The following SLC28A2 variants were observed in gnomAD, a reference collection of about 807,000 sequenced individuals.
The protein encoded by SLC28A2 is solute carrier family 28 member 2, also known as sodium/nucleoside cotransporter 2.
Under a neutral mutation model 72.9 loss-of-function variants are expected in SLC28A2, and 69 were observed. That is an observed-to-expected ratio of 0.95 (90% CI 0.78 to 1.16). The LOEUF (loss-of-function observed/expected upper bound fraction) is 1.16, where lower values mean the gene tolerates loss of function less well. SLC28A2 is among the 50% of genes most tolerant of loss of function. SLC28A2 has a pLI of 0.00. For synonymous variants in SLC28A2, 296 were observed against 294.1 expected (o/e 1.01, Z -0.07); for missense variants, 745 against 791.1 (o/e 0.94, Z 0.70).
intron 15 of SLC28A2, among the ~76,000 whole-genome samples, chr15:45,271,416 A>C (rs1279620796): frequency 6.6e-6 from 1 of 152,164 alleles, no homozygotes; most frequent in Non-Finnish European, 1.5e-5. Context: ...TTTGAAAGTT[A>C]GCTGGGCATA....
intron 3 of SLC28A2, among the ~76,000 whole-genome samples, chr15:45,254,913 A>G (rs1236262714): frequency 1.3e-5 from 2 of 152,092 alleles, no homozygotes; most frequent in Admixed American, 1.3e-4. Flanking sequence ...CATGTGAGTC[A>G]CATTGCTTGT....
At chr15:45,255,341 G>C (rs535658016) in intron 3 of SLC28A2, 3 of 151,976 alleles carry the variant, frequency 2.0e-5, no homozygotes, top group Non-Finnish European at 4.4e-5. Flanking sequence ...TTAATGAGGA[G>C]TAAGACCAGG....
At chr15:45,263,769 G>A in intron 5 of SLC28A2, 112 bp from the exon 6 acceptor site, 1 of 1,000,880 alleles carries the variant, frequency 1.0e-6, no homozygotes, top group Non-Finnish European at 1.5e-6. Flanking sequence ...AATGGCACAT[G>A]CATGGCCTTT....
chr15:45,270,396 C>T (rs947504877), intron 15 of SLC28A2, 120 bp downstream of exon 15: 2 of 737,044 alleles, frequency 2.7e-6, no homozygotes, highest in East Asian at 2.5e-5. Flanking sequence ...GTGAAATGGG[C>T]CCATTTCTTA....
intron 3 of SLC28A2, among the ~76,000 whole-genome samples, chr15:45,255,666 T>G (rs1336932994): frequency 2.0e-5 from 3 of 152,142 alleles, no homozygotes; most frequent in African/African-American, 7.2e-5. Flanking sequence ...AAGGGTTACT[T>G]GAACAAGGAG....
At chr15:45,270,575 T>C (rs1426384648) in intron 15 of SLC28A2, among the ~76,000 whole-genome samples, 1 of 152,118 alleles carries the variant, frequency 6.6e-6, no homozygotes, top group Non-Finnish European at 1.5e-5. Context: ...ATTATTTCAA[T>C]TTTGCCATTA....
At chr15:45,267,123 T>G (rs991393863) in intron 10 of SLC28A2, among the ~76,000 whole-genome samples, 1 of 152,232 alleles carries the variant, frequency 6.6e-6, no homozygotes, top group Non-Finnish European at 1.5e-5. Flanking sequence ...GTTCAGTAAG[T>G]GTGTGGCTTT....
intron 3 of SLC28A2, among the ~76,000 whole-genome samples, chr15:45,260,566 G>C (rs1226243552): frequency 6.6e-6 from 1 of 152,152 alleles, no homozygotes; most frequent in Non-Finnish European, 1.5e-5. Flanking sequence ...AGACCAGCCT[G>C]GGGAACATAG....
intron 13 of SLC28A2, among the ~76,000 whole-genome samples, chr15:45,268,960 T>C (rs1207185007): frequency 3.0e-5 from 4 of 132,726 alleles, no homozygotes; most frequent in African/African-American, 8.7e-5. Context: ...AGGTGGGAAT[T>C]GAACAATGGG....
intron 17 of SLC28A2, 120 bp downstream of exon 17, chr15:45,272,904 G>A: frequency 1.6e-6 from 1 of 611,702 alleles, no homozygotes; most frequent in Non-Finnish European, 3.0e-6. Flanking sequence ...CTAGATCAGT[G>A]TTCTTTTCTC....
intron 15 of SLC28A2, among the ~76,000 whole-genome samples, chr15:45,271,331 G>A (rs2140581605): frequency 6.6e-6 from 1 of 152,286 alleles, no homozygotes; most frequent in South Asian, 2.1e-4. Context: ...TTTGGGCCAA[G>A]GCAGGAAGAT....
rs745622972 is a variant in SLC28A2, at chr15:45,265,112, C to T, written c.726C>T (p.Ala242=). The stretch of plus-strand genomic sequence containing the variant: ...AGATTTTCCTGAACTACACTGTGGC[C>T]GGCTCCAGTTTTGTCTTTGGGGATA... ...QVQIFLNYTV[A]GSSFVFGDTL... The change falls in exon 8 of 18, where the codon GCC becomes GCT. Residue 242 remains alanine (A), a synonymous_variant. Coordinates refer to ENST00000347644, the MANE Select transcript of SLC28A2 (RefSeq NM_004212.4). The T allele has an allele frequency of 2.6e-5, 42 of 1,612,618 alleles. No homozygotes were observed. Among genetic ancestry groups the T allele is most frequent in the African/African-American group, 1.1e-4 (8 of 74,816 alleles).
intron 8 of SLC28A2, among the ~76,000 whole-genome samples, chr15:45,265,370 T>C (rs1457908319): frequency 2.6e-5 from 4 of 152,050 alleles, no homozygotes; most frequent in Non-Finnish European, 5.9e-5. Flanking sequence ...GAAATGAGAA[T>C]TGGGGGAAAA....
chr15:45,269,754 C>G (rs1900487104), intron 14 of SLC28A2, among the ~76,000 whole-genome samples: 1 of 152,208 alleles, frequency 6.6e-6, no homozygotes, highest in Non-Finnish European at 1.5e-5. Flanking sequence ...GCCACCCCCA[C>G]CACTGCCCCA....
chr15:45,255,072 T>C (rs1385151732), intron 3 of SLC28A2: 2 of 151,648 alleles, frequency 1.3e-5, no homozygotes, highest in Admixed American at 6.6e-5. Flanking sequence ...CTGAGCAACA[T>C]AGTGAGACCT....
At chr15:45,261,332 A>C (rs575655505) in intron 3 of SLC28A2, among the ~76,000 whole-genome samples, 1 of 91,430 alleles carries the variant, frequency 1.1e-5, no homozygotes, top group South Asian at 3.6e-4. Context: ...TGACTTTGGG[A>C]AAGTTATTTA....
At chr15:45,260,726 C>T (rs1900135276) in intron 3 of SLC28A2, among the ~76,000 whole-genome samples, 2 of 152,162 alleles carry the variant, frequency 1.3e-5, no homozygotes, top group Admixed American at 6.5e-5. Context: ...CATGCCATAC[C>T]ACTGCACTCT....
At position 45,263,238 on chromosome 15, in the gene SLC28A2, CG is replaced by C. The variant is rs1462150062; in HGVS notation, c.441del (p.Lys148AsnfsTer18). On this transcript the variant is annotated frameshift_variant, in exon 5 of 18. Coordinates refer to ENST00000347644, the MANE Select transcript of SLC28A2 (RefSeq NM_004212.4). LOFTEE classifies it high-confidence loss of function. ...PFENSRLRLW[T>X]KWVFAGVSLV... is the part of the protein sequence containing the mutation. The stretch of plus-strand genomic sequence containing the variant: ...GAAAACTCCCGCCTGAGGCTTTGGA[CG>C]AAATGGTAAGATAAGAATCTCAATA... 10 of 1,613,126 alleles carry C rather than the reference CG, an allele frequency of 6.2e-6. No individual in the cohort carries two copies. The highest frequency in any genetic ancestry group is 7.6e-6 in the Non-Finnish European group (9 of 1,179,750).
In SLC28A2 at chr15:45,269,503, G is replaced by A. The variant is rs911832541; in HGVS notation, c.1534G>A (p.Glu512Lys). Residue 512 changes from glutamate (E) to lysine (K), a missense_variant, in exon 14 of 18, where the codon GAG (glutamate) becomes AAG (lysine). Physicochemically the swap from Glu to Lys is moderately conservative, Grantham distance 56 (BLOSUM62 1). Coordinates refer to ENST00000347644, the MANE Select transcript of SLC28A2 (RefSeq NM_004212.4). ...YKNKRLSGME[E>K]WIEGEKQWIS... ...GAACAAACGTCTCTCTGGAATGGAGGAGTGGATTGAGGGAGAGAAACAGTG... is the reference window on the plus strand; with the variant it reads ...GAACAAACGTCTCTCTGGAATGGAGAAGTGGATTGAGGGAGAGAAACAGTG... 2.5e-6 allele frequency: 4 copies of A among 1,614,168 alleles called. No individual in the cohort carries two copies. Among genetic ancestry groups the A allele is most frequent in the Non-Finnish European group, 8.5e-7 (1 of 1,179,986 alleles).
Sources: gnomAD v4.1 joint callset for allele counts (sites outside exome capture counted in the v4.1 genomes callset) on GRCh38, gnomAD v4.1.1 for gene constraint, MANE v1.5 for transcripts, NCBI Gene and HGNC (gene_info 2026-07-23, HGNC 2026-07-21) for gene names.